ATF7IP: variants seen among roughly 807,000 people sequenced by gnomAD.
The protein encoded by ATF7IP is activating transcription factor 7 interacting protein.
ATF7IP carries 23 observed loss-of-function variants against 106.4 expected under a neutral mutation model. The ratio of observed to expected loss-of-function variants is 0.22; its 90% CI spans 0.16 to 0.31. The LOEUF is 0.31. Ranked by LOEUF, ATF7IP falls within the 10% of genes least tolerant of loss-of-function variation. ATF7IP has a pLI of 1.00. For missense variants in ATF7IP, 1,334 were observed against 1,524.3 expected, an observed-to-expected ratio of 0.88 and a Z score of 2.08; for synonymous variants, 542 against 539.0, an observed-to-expected ratio of 1.01 and a Z score of -0.08.
chr12:14,423,344 C>T (rs989040442), intron 1 of ATF7IP, among the ~76,000 whole-genome samples: 3 of 151,924 alleles, frequency 2.0e-5, no homozygotes, highest in Non-Finnish European at 4.4e-5. Context: ...AAAGTCTTAT[C>T]AGGCATATGA....
In ATF7IP at chr12:14,385,566, G is replaced by T. The variant is rs530239490; in HGVS notation, c.-8+19739G>T. ...TTATTATGGAAACAGTACATAGCAT[G>T]GTGGGGTCAAAGGTTAAATTCCTGT... On this transcript the variant is annotated intron_variant, in intron 1 of 14. Transcript: ENST00000261168. Among the ~76,000 whole-genome samples, 5 of 152,254 alleles carry T rather than the reference G, an allele frequency of 3.3e-5. No homozygotes were observed. In the South Asian group the frequency reaches 1.0e-3, roughly 32 times the overall value.
Position 14,477,769 on chromosome 12 carries a change from G to A in ATF7IP, c.2942-548G>A, listed in dbSNP as rs568350668. On this transcript the variant is annotated intron_variant, in intron 11 of 14. Coordinates refer to ENST00000261168, the MANE Select transcript of ATF7IP (RefSeq NM_018179.5). ...GGACTTTTGGGTCACAATCTTCATA[G>A]TGGTTTCCTGTTTTTAAGAGTTTTT... Among the ~76,000 whole-genome samples the A allele has an allele frequency of 2.0e-5, 3 of 152,074 alleles. No homozygotes were observed. The East Asian group carries it at 5.8e-4, about 29-fold the overall frequency.
At chr12:14,420,034 C>T (rs1414966178) in intron 1 of ATF7IP, 1 of 152,068 alleles carries the variant, frequency 6.6e-6, no homozygotes, top group Non-Finnish European at 1.5e-5. Flanking sequence ...GCGCTTCAGC[C>T]AAAGACCAGC....
chr12:14,483,238 C>T (rs1053358978), intron 13 of ATF7IP, among the ~76,000 whole-genome samples: 1 of 152,138 alleles, frequency 6.6e-6, no homozygotes. Context: ...TTTATTGCTG[C>T]CTAAATTGAG....
In ATF7IP at chr12:14,437,780, G is replaced by A. The variant is rs960965821; in HGVS notation, c.1792-350G>A. On this transcript the variant is annotated intron_variant, in intron 4 of 14. Coordinates refer to ENST00000261168, the MANE Select transcript of ATF7IP (RefSeq NM_018179.5). The stretch of plus-strand genomic sequence containing the variant: ...ACTTAAGAATATTTACTGGCCGGGC[G>A]CGGTGGCTCACGCCTGTAATCCCAG... 7.2e-5 allele frequency among the ~76,000 whole-genome samples: 11 copies of A among 152,174 alleles called. 1 individual carries two copies. Among genetic ancestry groups the A allele is most frequent in the South Asian group, 2.1e-4 (1 of 4,832 alleles).
Position 14,497,800 on chromosome 12 carries a change from A to T in ATF7IP, c.3540A>T (p.Ser1180=), listed in dbSNP as rs1448001495. ...AGAGTCAAAATGGCATAGTACTGTC[A>T]TGGAGTGTCCTGGAGGTGGATCGAA... ...RVQSQNGIVL[S]WSVLEVDRSC... The change falls in exon 15 of 15, where the codon TCA becomes TCT. Residue 1180 remains serine (S), a synonymous_variant. Transcript: ENST00000261168. 6.2e-7 allele frequency: 1 copy of T among 1,614,022 alleles called. No individual in the cohort carries two copies. The highest frequency in any genetic ancestry group is 1.3e-5 in the African/African-American group (1 of 74,910).
intron 1 of ATF7IP, among the ~76,000 whole-genome samples, chr12:14,368,295 AATGTTATGAGTATTTTCCCATTT>A (rs1938390617): frequency 6.6e-6 from 1 of 152,010 alleles, no homozygotes; most frequent in Non-Finnish European, 1.5e-5. Context: ...CTACTCTTTT[AATGTTATGAGTATTTTCCCATTT>A]CATTATTCTT....
intron 1 of ATF7IP, among the ~76,000 whole-genome samples, chr12:14,398,060 G>A (rs956721266): frequency 6.6e-6 from 1 of 151,958 alleles, no homozygotes; most frequent in Non-Finnish European, 1.5e-5. Context: ...AATTTCTCAT[G>A]TTGTTCGTTA....
chr12:14,468,544 A>AAAGCAATAGTACAAATTAATAGC (rs1238464181), intron 10 of ATF7IP, among the ~76,000 whole-genome samples: 4 of 151,880 alleles, frequency 2.6e-5, no homozygotes, highest in African/African-American at 9.7e-5. Flanking sequence ...ATCAGAAAGC[A>AAAGCAATAGTACAAATTAATAGC]AAGCAATAGT....
At chr12:14,381,449 T>G (rs1271486688) in intron 1 of ATF7IP, among the ~76,000 whole-genome samples, 2 of 152,184 alleles carry the variant, frequency 1.3e-5, no homozygotes, top group South Asian at 2.1e-4. Flanking sequence ...CAGGCTGGTC[T>G]GGAACTCATG....
At chr12:14,426,818 T>C (rs1232067548) in intron 2 of ATF7IP, among the ~76,000 whole-genome samples, 4 of 63,766 alleles carry the variant, frequency 6.3e-5, no homozygotes, top group African/African-American at 2.0e-4. Flanking sequence ...AGTAAGACCC[T>C]GCCTCAAAAA....
chr12:14,397,116 C>T (rs1353395758), intron 1 of ATF7IP, among the ~76,000 whole-genome samples: 3 of 152,044 alleles, frequency 2.0e-5, no homozygotes, highest in African/African-American at 4.8e-5. Flanking sequence ...AAGCCAAGAT[C>T]GCACCATTGC....
At chr12:14,381,375 G>C (rs1327258506) in intron 1 of ATF7IP, among the ~76,000 whole-genome samples, 1 of 152,056 alleles carries the variant, frequency 6.6e-6, no homozygotes, top group Non-Finnish European at 1.5e-5. Flanking sequence ...TGGGACTACA[G>C]GTGCGCCACC....
chr12:14,425,531 A>G, intron 2 of ATF7IP, 58 bp downstream of exon 2: 7 of 1,442,662 alleles, frequency 4.9e-6, no homozygotes, highest in Non-Finnish European at 6.4e-6. Context: ...ACTGTTTAAT[A>G]AAACATTATC....
Position 14,460,895 on chromosome 12 carries a change from T to C in ATF7IP, c.2559T>C (p.Pro853=), listed in dbSNP as rs1289433610. ...KPNNVPSVPS[P]SIQRNPTASA... ...ACAACGTTCCTTCTGTGCCCAGTCC[T>C]AGTATTCAAAGGAACCCTACTGCCA... Residue 853 remains proline, a synonymous_variant, in exon 9 of 15, where the codon CCT becomes CCC. Coordinates refer to ENST00000261168, the MANE Select transcript of ATF7IP (RefSeq NM_018179.5). The C allele has an allele frequency of 6.2e-7, 1 of 1,614,076 alleles. No individual in the cohort carries two copies. Among genetic ancestry groups the C allele is most frequent in the African/African-American group, 1.3e-5 (1 of 74,920 alleles).
intron 6 of ATF7IP, among the ~76,000 whole-genome samples, chr12:14,447,281 CTTTTTT>C (rs58719124): frequency 2.3e-5 from 2 of 87,852 alleles, no homozygotes; most frequent in Admixed American, 1.2e-4. Flanking sequence ...TTATGCAATT[CTTTTTT>C]TTTTTTTTTT....
Position 14,500,489 on chromosome 12 carries a change from A to C in ATF7IP, c.*2416A>C, listed in dbSNP as rs1945131481. The C allele has an allele frequency of 1.3e-5, 2 of 152,092 alleles. No individual in the cohort carries two copies. The highest frequency in any genetic ancestry group is 4.8e-5 in the African/African-American group (2 of 41,386). 9.4% of individuals were successfully genotyped at this position (152,092 alleles called of 1,614,324 possible). ...TGTTATGGCAATGAAAATTTCAGAAAGGAGGAGTTGATGATCTTCTAGATG... is the reference window on the plus strand; with the variant it reads ...TGTTATGGCAATGAAAATTTCAGAACGGAGGAGTTGATGATCTTCTAGATG... On this transcript the variant is annotated 3_prime_UTR_variant, in exon 15 of 15. Coordinates refer to ENST00000261168, the MANE Select transcript of ATF7IP (RefSeq NM_018179.5).
At chr12:14,439,335 G>A (rs954899834) in intron 5 of ATF7IP, among the ~76,000 whole-genome samples, 31 of 152,112 alleles carry the variant, frequency 2.0e-4, no homozygotes, top group East Asian at 5.8e-4. Flanking sequence ...CACTTTTTCC[G>A]TTACGAATAA....
chr12:14,398,394 T>TA (rs1939974169), intron 1 of ATF7IP, among the ~76,000 whole-genome samples: 1 of 151,592 alleles, frequency 6.6e-6, no homozygotes, highest in South Asian at 2.1e-4. Flanking sequence ...AAAGTTTTTT[T>TA]TTTTATTTAT....
Sources: gnomAD v4.1 joint callset for allele counts (sites outside exome capture counted in the v4.1 genomes callset) on GRCh38, gnomAD v4.1.1 for gene constraint, MANE v1.5 for transcripts, NCBI Gene and HGNC (gene_info 2026-07-23, HGNC 2026-07-21) for gene names.